FOCAD: variants seen among roughly 807,000 people sequenced by gnomAD.
The protein encoded by FOCAD is focadhesin.
Under a neutral mutation model 225.6 loss-of-function variants are expected in FOCAD, and 198 were observed. That is an observed-to-expected ratio of 0.88 (90% CI 0.78 to 0.99). The LOEUF is 0.99. Ranked by LOEUF, FOCAD falls within the 50% of genes least tolerant of loss-of-function variation. The pLI is 0.00. For synonymous variants in FOCAD, 897 were observed against 755.0 expected (o/e 1.19, Z -3.08); for missense variants, 2,713 against 2,123.6 (o/e 1.28, Z -5.46).
chr9:20,940,779 C>T (rs1836573044), intron 28 of FOCAD, among the ~76,000 whole-genome samples: 1 of 152,188 alleles, frequency 6.6e-6, no homozygotes, highest in Admixed American at 6.5e-5. Context: ...GTTTCAGGGT[C>T]ATATGCTTAA....
At chr9:20,785,436 C>G (rs1267988966) in intron 10 of FOCAD, among the ~76,000 whole-genome samples, 1 of 152,124 alleles carries the variant, frequency 6.6e-6, no homozygotes, top group African/African-American at 2.4e-5. Flanking sequence ...TAGGCAGTCC[C>G]TAATCTGCTT....
intron 1 of FOCAD, among the ~76,000 whole-genome samples, chr9:20,709,660 C>T (rs188326438): frequency 6.6e-5 from 10 of 152,236 alleles, no homozygotes; most frequent in Admixed American, 6.5e-4. Flanking sequence ...TATAAGTCTT[C>T]AGCAAATGAA....
In FOCAD at chr9:20,995,707, T is replaced by C; in HGVS notation, c.*78T>C. 7.9e-7 allele frequency: 1 copy of C among 1,267,134 alleles called. No individual in the cohort carries two copies. The highest frequency in any genetic ancestry group is 1.1e-6 in the Non-Finnish European group (1 of 873,356). 78.5% of individuals were successfully genotyped at this position (1,267,134 alleles called of 1,614,324 possible). A position where few individuals can be genotyped will look rare whatever the true frequency, so the allele number is the denominator to read the frequency against. On this transcript the variant is annotated 3_prime_UTR_variant, in exon 44 of 44. Transcript: ENST00000338382. ...AGTGGAAGAAGTTTTTCAGAATTCA[T>C]GCCTGGTATTGCTGAGACATGATGC... is the stretch of plus-strand genomic sequence containing the variant.
chr9:20,962,952 A>G (rs997097127), intron 35 of FOCAD, among the ~76,000 whole-genome samples: 1 of 152,212 alleles, frequency 6.6e-6, no homozygotes. Flanking sequence ...AGTGCTAAAG[A>G]TCTCTGGGGA....
intron 18 of FOCAD, among the ~76,000 whole-genome samples, chr9:20,867,331 T>G (rs1033623201): frequency 1.3e-5 from 2 of 151,962 alleles, no homozygotes; most frequent in African/African-American, 4.8e-5. Context: ...AAGCATGGCC[T>G]TCATAGACTA....
chr9:20,761,020 T>TGG (rs146890113), intron 6 of FOCAD, among the ~76,000 whole-genome samples: 61 of 149,786 alleles, frequency 4.1e-4, no homozygotes, highest in Middle Eastern at 3.4e-3. Flanking sequence ...CTAGATTTTT[T>TGG]GGGGGGGGGC....
At chr9:20,816,579 AAT>A (rs1238058368) in intron 11 of FOCAD, among the ~76,000 whole-genome samples, 1 of 152,088 alleles carries the variant, frequency 6.6e-6, no homozygotes, top group Non-Finnish European at 1.5e-5. Context: ...TTAATGAATT[AAT>A]GTTTAATTGT....
At chr9:20,932,351 T>C (rs1369893673) in intron 27 of FOCAD, among the ~76,000 whole-genome samples, 3 of 152,170 alleles carry the variant, frequency 2.0e-5, no homozygotes, top group Non-Finnish European at 2.9e-5. Flanking sequence ...AGTTAAGACG[T>C]AGGAACCTGT....
intron 11 of FOCAD, among the ~76,000 whole-genome samples, chr9:20,809,542 G>C (rs1281516030): frequency 6.6e-6 from 1 of 152,030 alleles, no homozygotes; most frequent in South Asian, 2.1e-4. Flanking sequence ...CTCTTCTTCT[G>C]AACAATGAAA....
intron 2 of FOCAD, among the ~76,000 whole-genome samples, chr9:20,676,631 A>G (rs1822246024): frequency 6.6e-6 from 1 of 152,196 alleles, no homozygotes; most frequent in Non-Finnish European, 1.5e-5. Flanking sequence ...CCATTCCCAC[A>G]AACATTTGCA....
chr9:20,970,380 C>A (rs1839663286), intron 35 of FOCAD, among the ~76,000 whole-genome samples: 1 of 151,882 alleles, frequency 6.6e-6, no homozygotes, highest in Non-Finnish European at 1.5e-5. Flanking sequence ...TTTCGTCTTT[C>A]TTTTTTCTCT....
intron 5 of FOCAD, among the ~76,000 whole-genome samples, chr9:20,742,388 C>G (rs1212115053): frequency 3.9e-5 from 6 of 152,062 alleles, no homozygotes; most frequent in Non-Finnish European, 8.8e-5. Flanking sequence ...ATTCTTTTTC[C>G]TTAGTCTAGT....
chr9:20,787,024 G>A, intron 10 of FOCAD: 1 of 433,956 alleles, frequency 2.3e-6, no homozygotes. Context: ...CTGGGACTGT[G>A]CCAGTGGCAG....
chr9:20,838,056 C>A (rs191380433), intron 15 of FOCAD, among the ~76,000 whole-genome samples: 1 of 152,142 alleles, frequency 6.6e-6, no homozygotes, highest in Non-Finnish European at 1.5e-5. Context: ...CACTAGCATG[C>A]ATATAAGCCC....
intron 18 of FOCAD, among the ~76,000 whole-genome samples, chr9:20,867,422 T>C (rs1829385056): frequency 6.6e-6 from 1 of 152,014 alleles, no homozygotes; most frequent in South Asian, 2.1e-4. Context: ...CTGCTTTTTT[T>C]TAGTATCTGT....
At chr9:20,855,997 G>A (rs771036716) in intron 15 of FOCAD, among the ~76,000 whole-genome samples, 11 of 151,668 alleles carry the variant, frequency 7.3e-5, no homozygotes, top group Admixed American at 5.9e-4. Context: ...TCTGTTGATG[G>A]ACACTTAGGT....
rs139940267 is a variant in FOCAD, at chr9:20,703,652, C to G, written c.-32-11670C>G. Among the ~76,000 whole-genome samples, 5 of 151,946 alleles carry G rather than the reference C, an allele frequency of 3.3e-5. No individual in the cohort carries two copies. The East Asian group carries it at 9.6e-4, about 29-fold the overall frequency. On this transcript the variant is annotated intron_variant, in intron 1 of 43. Transcript: ENST00000338382. Reference sequence around the variant, plus strand: ...AGTAATTTATCTTTTATCATTAAAACAATTTTTCTACTTCATTACTGCTCA... The same window carrying G: ...AGTAATTTATCTTTTATCATTAAAAGAATTTTTCTACTTCATTACTGCTCA...
At chr9:20,745,843 G>T (rs1245141794) in intron 5 of FOCAD, among the ~76,000 whole-genome samples, 1 of 152,170 alleles carries the variant, frequency 6.6e-6, no homozygotes. Context: ...GTGCTCGGAA[G>T]TGGACAATTA....
chr9:20,884,920 A>G (rs1238995642), intron 20 of FOCAD, among the ~76,000 whole-genome samples, 189 bp from the exon 21 acceptor site: 1 of 151,934 alleles, frequency 6.6e-6, no homozygotes, highest in Non-Finnish European at 1.5e-5. Flanking sequence ...TTAGCCGGGC[A>G]TGGTGGCACA....
Sources: allele counts gnomAD v4.1 joint callset (sites outside exome capture counted in the v4.1 genomes callset), GRCh38; gene constraint gnomAD v4.1.1; transcripts MANE v1.5; gene names NCBI Gene and HGNC (gene_info 2026-07-23, HGNC 2026-07-21).